The following KRTAP9-2 variants were observed in gnomAD, a reference collection of about 807,000 sequenced individuals.
The protein encoded by KRTAP9-2 is keratin associated protein 9-2.
Under a neutral mutation model 14.1 loss-of-function variants are expected in KRTAP9-2, and 12 were observed. That is an observed-to-expected ratio of 0.85 (90% CI 0.55 to 1.38). KRTAP9-2 has a LOEUF of 1.38. KRTAP9-2 is among the 40% of genes most tolerant of loss of function. The pLI, the probability that KRTAP9-2 is intolerant of heterozygous loss-of-function variation, is 0.00. For missense variants in KRTAP9-2, 185 were observed against 216.3 expected (o/e 0.86, Z 0.91); for synonymous variants, 72 against 79.5 (o/e 0.91, Z 0.50).
At position 41,227,057 on chromosome 17, in the gene KRTAP9-2, A is replaced by C; in HGVS notation, c.403A>C (p.Ser135Arg). Residue 135 changes from serine (S) to arginine (R), a missense_variant, in exon 1 of 1, where the codon AGC becomes CGC. Physicochemically the swap from Ser to Arg is moderately radical, Grantham distance 110. This residue lies in a region of KRTAP9-2 where 164 missense variants were observed against 168.3 expected (regional missense o/e 0.97). Transcript: ENST00000377721. Reference sequence around the variant, plus strand: ...CTGCCTGCCTGGTTGCCTAAACCAGAGCTGTGGCTCCAACTGCTGCCAGCC... The same window carrying C: ...CTGCCTGCCTGGTTGCCTAAACCAGCGCTGTGGCTCCAACTGCTGCCAGCC... ...TVCLPGCLNQ[S>R]CGSNCCQPCC... The C allele has an allele frequency of 6.2e-7, 1 of 1,601,172 alleles. No individual in the cohort carries two copies. The highest frequency in any genetic ancestry group is 8.5e-7 in the Non-Finnish European group (1 of 1,177,032).
chr17:41,226,842 G>C lies in KRTAP9-2; in HGVS notation c.188G>C (p.Arg63Thr), dbSNP rs566339815. The C allele has an allele frequency of 2.6e-6, 4 of 1,521,244 alleles. No homozygotes were observed. The African/African-American group carries it at 4.2e-5, about 16-fold the overall frequency. The allele number at this position is 1,521,244 out of a possible 1,614,324, so 94.2% of individuals were successfully genotyped here. ...ACTTGCTGTCAAAACACCTGCTGTAGGACCACCTGCTGCCAGCCCACCTGT... is the reference window on the plus strand; with the variant it reads ...ACTTGCTGTCAAAACACCTGCTGTACGACCACCTGCTGCCAGCCCACCTGT... ...RPTCCQNTCC[R>T]TTCCQPTCVT... is the part of the protein sequence containing the mutation. Residue 63 changes from arginine to threonine, a missense_variant, in exon 1 of 1, where the codon AGG becomes ACG. Physicochemically the swap from Arg to Thr is moderately conservative, Grantham distance 71. Transcript: ENST00000377721.
rs1265352697 is a variant in KRTAP9-2 at position 41,227,011 on chromosome 17, C to T, written c.357C>T (p.Thr119=). 1.2e-6 allele frequency: 2 copies of T among 1,613,878 alleles called. No homozygotes were observed. The highest frequency in any genetic ancestry group is 1.7e-6 in the Non-Finnish European group (2 of 1,180,008). ...GTGCACCTGTGTACTGCAGAAGAACCTGCTACTACCCCACGACTGTCTGCC... is the reference window on the plus strand; with the variant it reads ...GTGCACCTGTGTACTGCAGAAGAACTTGCTACTACCCCACGACTGTCTGCC... ...SSCAPVYCRR[T]CYYPTTVCLP... is the part of the protein sequence containing the mutation. Residue 119 remains threonine, a synonymous_variant, in exon 1 of 1, where the codon ACC becomes ACT. Coordinates refer to ENST00000377721, the MANE Select transcript of KRTAP9-2 (RefSeq NM_031961.3).
Position 41,227,040 on chromosome 17 carries a change from C to G in KRTAP9-2, c.386C>G (p.Pro129Arg). The change falls in exon 1 of 1, where the codon CCT (proline) becomes CGT (arginine). Residue 129 changes from proline to arginine, a missense_variant. Coordinates refer to ENST00000377721, the MANE Select transcript of KRTAP9-2 (RefSeq NM_031961.3). ...TCYYPTTVCL[P>R]GCLNQSCGSN... ...TACTACCCCACGACTGTCTGCCTGC[C>G]TGGTTGCCTAAACCAGAGCTGTGGC... The G allele has an allele frequency of 1.2e-6, 2 of 1,613,850 alleles. No individual in the cohort carries two copies. The highest frequency in any genetic ancestry group is 8.5e-7 in the Non-Finnish European group (1 of 1,179,966).
chr17:41,226,763 T>A lies in KRTAP9-2; in HGVS notation c.109T>A (p.Cys37Ser). Residue 37 changes from cysteine (C) to serine (S), a missense_variant, in exon 1 of 1, where the codon TGC (cysteine) becomes AGC (serine). Around this residue, in one of 2 missense-constraint regions of KRTAP9-2, gnomAD observed 21 missense variants for 48.0 expected, o/e 0.44. Coordinates refer to ENST00000377721, the MANE Select transcript of KRTAP9-2 (RefSeq NM_031961.3). ...TGTGACCACCTGCAGCAGCACACCC[T>A]GCTGCCAGCCCGCCTGCTGTGTGTC... ...TTVTTCSSTP[C>S]CQPACCVSSC... The A allele has an allele frequency of 1.3e-6, 2 of 1,537,240 alleles. No homozygotes were observed. Among genetic ancestry groups the A allele is most frequent in the Non-Finnish European group, 1.8e-6 (2 of 1,130,624 alleles).
Position 41,226,989 on chromosome 17 carries a change from C to A in KRTAP9-2, c.335C>A (p.Ala112Glu), listed in dbSNP as rs754333458. 9.9e-6 allele frequency: 16 copies of A among 1,614,012 alleles called. No homozygotes were observed. The highest frequency in any genetic ancestry group is 1.6e-4 in the Middle Eastern group (1 of 6,084). Residue 112 changes from alanine (A) to glutamate (E), a missense_variant, in exon 1 of 1, where the codon GCA becomes GAA. Ala to Glu is a moderately radical substitution (Grantham distance 107). Coordinates refer to ENST00000377721, the MANE Select transcript of KRTAP9-2 (RefSeq NM_031961.3). ...AGCTGTGGCCAGAGCAGCTCCTGTG[C>A]ACCTGTGTACTGCAGAAGAACCTGC... Reference protein sequence around the residue: ...GSSCGQSSSCAPVYCRRTCYY... With the variant: ...GSSCGQSSSCEPVYCRRTCYY...
In KRTAP9-2 at chr17:41,227,108, A is replaced by G. The variant is rs2015779722; in HGVS notation, c.454A>G (p.Thr152Ala). Reference protein sequence around the residue: ...QPCCRPACCETTCCRTTCFQP... With the variant: ...QPCCRPACCEATCCRTTCFQP... The stretch of plus-strand genomic sequence containing the variant: ...CTGCTGCCGCCCAGCCTGCTGTGAG[A>G]CCACCTGCTGCAGGACCACTTGCTT... The change falls in exon 1 of 1, where the codon ACC (threonine) becomes GCC (alanine). Residue 152 changes from threonine (T) to alanine (A), a missense_variant. Transcript: ENST00000377721. The G allele has an allele frequency of 6.2e-7, 1 of 1,606,214 alleles. No individual in the cohort carries two copies. Among genetic ancestry groups the G allele is most frequent in the Non-Finnish European group, 8.5e-7 (1 of 1,178,016 alleles).
rs2015769493 is a variant in KRTAP9-2, at chr17:41,226,813, C to T, written c.159C>T (p.Arg53=). 1 of 1,504,840 alleles carries T rather than the reference C, an allele frequency of 6.6e-7. No individual in the cohort carries two copies. Among genetic ancestry groups the T allele is most frequent in the Non-Finnish European group, 9.0e-7 (1 of 1,112,558 alleles). The allele number at this position is 1,504,840 out of a possible 1,614,324, so 93.2% of individuals were successfully genotyped here. A position where few individuals can be genotyped will look rare whatever the true frequency, so the allele number is the denominator to read the frequency against. The change falls in exon 1 of 1, where the codon CGC becomes CGT. Residue 53 remains arginine, a synonymous_variant. Coordinates refer to ENST00000377721, the MANE Select transcript of KRTAP9-2 (RefSeq NM_031961.3). ...CCAGCTGCTGCCAGCCTTGCTGCCG[C>T]CCAACTTGCTGTCAAAACACCTGCT... The part of the protein sequence containing the change: ...CVSSCCQPCC[R]PTCCQNTCCR...
Position 41,227,089 on chromosome 17 carries a change from C to T in KRTAP9-2, c.435C>T (p.Cys145=), listed in dbSNP as rs1315231003. 8.7e-6 allele frequency: 14 copies of T among 1,610,538 alleles called. No homozygotes were observed. Among genetic ancestry groups the T allele is most frequent in the Admixed American group, 1.7e-5 (1 of 59,646 alleles). ...SCGSNCCQPC[C]RPACCETTCC... is the part of the protein sequence containing the mutation. ...GCTCCAACTGCTGCCAGCCCTGCTG[C>T]CGCCCAGCCTGCTGTGAGACCACCT... The change falls in exon 1 of 1, where the codon TGC becomes TGT. Residue 145 remains cysteine, a synonymous_variant. Transcript: ENST00000377721.
chr17:41,227,440 C>T lies in KRTAP9-2; in HGVS notation c.*261C>T. 1 of 369,236 alleles carries T rather than the reference C, an allele frequency of 2.7e-6. No individual in the cohort carries two copies. Among genetic ancestry groups the T allele is most frequent in the Non-Finnish European group, 4.5e-6 (1 of 222,750 alleles). 22.9% of individuals were successfully genotyped at this position (369,236 alleles called of 1,614,324 possible). The stretch of plus-strand genomic sequence containing the variant: ...GTTTGAGTCATGGTCTCAGCTTTGA[C>T]TCTAAAGTCAAGAGCTTCATTCCCT... On this transcript the variant is annotated 3_prime_UTR_variant, in exon 1 of 1. Transcript: ENST00000377721.
the KRTAP9-2 span, chr17:41,226,946 CA>C: frequency 1.2e-6 from 2 of 1,611,446 alleles, no homozygotes; most frequent in Non-Finnish European, 1.7e-6. Context: ...CTGCTGTGGC[CA>C]AACCAGCTGT....
Position 41,226,904 on chromosome 17 carries a change from C to T in KRTAP9-2, c.250C>T (p.Pro84Ser). The T allele has an allele frequency of 1.2e-6, 2 of 1,608,418 alleles. No individual in the cohort carries two copies. The highest frequency in any genetic ancestry group is 2.2e-5 in the East Asian group (1 of 44,506). ...SCCQPSCCST[P>S]CCQPTCCGSS... ...CTGCCAGCCTTCCTGCTGCAGCACACCCTGCTGCCAGCCCACCTGCTGTGG... is the reference window on the plus strand; with the variant it reads ...CTGCCAGCCTTCCTGCTGCAGCACATCCTGCTGCCAGCCCACCTGCTGTGG... Residue 84 changes from proline (P) to serine (S), a missense_variant, in exon 1 of 1, where the codon CCC (proline) becomes TCC (serine). This residue lies in a region of KRTAP9-2 where 164 missense variants were observed against 168.3 expected (regional missense o/e 0.97). Transcript: ENST00000377721.
rs762956101 is a variant in KRTAP9-2 at position 41,226,711 on chromosome 17, C to T, written c.57C>T (p.Cys19=). 2 of 1,612,362 alleles carry T rather than the reference C, an allele frequency of 1.2e-6. No homozygotes were observed. The highest frequency in any genetic ancestry group is 1.7e-6 in the Non-Finnish European group (2 of 1,179,344). ...CQPTCCRTTC[C]RTTCWKPTTV... ...CTACCTGCTGCAGGACCACCTGCTG[C>T]AGGACCACCTGCTGGAAGCCCACCA... is the stretch of plus-strand genomic sequence containing the variant. Residue 19 remains cysteine (C), a synonymous_variant, in exon 1 of 1, where the codon TGC becomes TGT. Transcript: ENST00000377721.
In KRTAP9-2 at chr17:41,226,935, G is replaced by A. The variant is rs2015773298; in HGVS notation, c.281G>A (p.Ser94Asn). Reference protein sequence around the residue: ...PCCQPTCCGSSCCGQTSCGSS... With the variant: ...PCCQPTCCGSNCCGQTSCGSS... ...TGCCAGCCCACCTGCTGTGGGTCCA[G>A]CTGCTGTGGCCAAACCAGCTGTGGG... is the stretch of plus-strand genomic sequence containing the variant. The change falls in exon 1 of 1, where the codon AGC (serine) becomes AAC (asparagine). Residue 94 changes from serine to asparagine, a missense_variant. Physicochemically the swap from Ser to Asn is conservative, Grantham distance 46 (BLOSUM62 1). Transcript: ENST00000377721. 6.2e-7 allele frequency: 1 copy of A among 1,610,770 alleles called. No homozygotes were observed.
At position 41,227,383 on chromosome 17, in the gene KRTAP9-2, G is replaced by T; in HGVS notation, c.*204G>T. ...CTGATTCTCTTTTTCCTTACACCTT[G>T]TGGATCATGTGCCAGCTTCATCTGT... On this transcript the variant is annotated 3_prime_UTR_variant, in exon 1 of 1. Coordinates refer to ENST00000377721, the MANE Select transcript of KRTAP9-2 (RefSeq NM_031961.3). The T allele has an allele frequency of 2.2e-6, 1 of 463,126 alleles. No homozygotes were observed. Among genetic ancestry groups the T allele is most frequent in the South Asian group, 2.2e-5 (1 of 45,190 alleles). The allele number at this position is 463,126 out of a possible 1,614,324, so 28.7% of individuals were successfully genotyped here. A position where few individuals can be genotyped will look rare whatever the true frequency, so the allele number is the denominator to read the frequency against.
In KRTAP9-2 at chr17:41,226,983, C is replaced by T. The variant is rs770859082; in HGVS notation, c.329C>T (p.Ser110Phe). 2.5e-6 allele frequency: 4 copies of T among 1,613,830 alleles called. No individual in the cohort carries two copies. The highest frequency in any genetic ancestry group is 3.4e-6 in the Non-Finnish European group (4 of 1,179,994). The change falls in exon 1 of 1, where the codon TCC becomes TTC. Residue 110 changes from serine to phenylalanine, a missense_variant. Around this residue, in one of 2 missense-constraint regions of KRTAP9-2, gnomAD observed 164 missense variants for 168.3 expected, o/e 0.97. Transcript: ENST00000377721. ...GGGTCCAGCTGTGGCCAGAGCAGCT[C>T]CTGTGCACCTGTGTACTGCAGAAGA... Reference protein sequence around the residue: ...SCGSSCGQSSSCAPVYCRRTC... With the variant: ...SCGSSCGQSSFCAPVYCRRTC...
Position 41,227,182 on chromosome 17 carries a change from A to G in KRTAP9-2, c.*3A>G, listed in dbSNP as rs775206451. On this transcript the variant is annotated 3_prime_UTR_variant, in exon 1 of 1. Coordinates refer to ENST00000377721, the MANE Select transcript of KRTAP9-2 (RefSeq NM_031961.3). ...GCTGCCAGCCTTCTTGCTGCTGATC[A>G]CGTTCCAAGAGAACCACCATCCTCA... 1.0e-5 allele frequency: 16 copies of G among 1,594,572 alleles called. No homozygotes were observed. The highest frequency in any genetic ancestry group is 1.4e-5 in the Non-Finnish European group (16 of 1,170,114).
At position 41,227,013 on chromosome 17, in the gene KRTAP9-2, G is replaced by A; in HGVS notation, c.359G>A (p.Cys120Tyr). The A allele has an allele frequency of 2.5e-6, 4 of 1,613,752 alleles. No homozygotes were observed. The highest frequency in any genetic ancestry group is 3.4e-6 in the Non-Finnish European group (4 of 1,179,982). The change falls in exon 1 of 1, where the codon TGC becomes TAC. Residue 120 changes from cysteine (C) to tyrosine (Y), a missense_variant. Physicochemically the swap from Cys to Tyr is radical, Grantham distance 194. This residue lies in a region of KRTAP9-2 where 164 missense variants were observed against 168.3 expected (regional missense o/e 0.97). Transcript: ENST00000377721. ...GCACCTGTGTACTGCAGAAGAACCT[G>A]CTACTACCCCACGACTGTCTGCCTG... is the stretch of plus-strand genomic sequence containing the variant. ...SCAPVYCRRT[C>Y]YYPTTVCLPG...
Position 41,227,205 on chromosome 17 carries a change from T to C in KRTAP9-2, c.*26T>C, listed in dbSNP as rs2015782271. ...TCACGTTCCAAGAGAACCACCATCCTCACACAACAAATTTCTGCTCAACTG... is the reference window on the plus strand; with the variant it reads ...TCACGTTCCAAGAGAACCACCATCCCCACACAACAAATTTCTGCTCAACTG... On this transcript the variant is annotated 3_prime_UTR_variant, in exon 1 of 1. Transcript: ENST00000377721. 1 of 1,561,938 alleles carries C rather than the reference T, an allele frequency of 6.4e-7. No homozygotes were observed. Among genetic ancestry groups the C allele is most frequent in the African/African-American group, 1.4e-5 (1 of 69,466 alleles).
chr17:41,227,313 T>G lies in KRTAP9-2; in HGVS notation c.*134T>G. The G allele has an allele frequency of 2.9e-6, 2 of 694,894 alleles. No homozygotes were observed. The highest frequency in any genetic ancestry group is 4.4e-6 in the Non-Finnish European group (2 of 458,964). 43.0% of individuals were successfully genotyped at this position (694,894 alleles called of 1,614,324 possible). A position where few individuals can be genotyped will look rare whatever the true frequency, so the allele number is the denominator to read the frequency against. Reference sequence around the variant, plus strand: ...AAATTTTTATGAATTCTCTACATGTTTAAAATCTTGGAAATCTGCTTGAGG... The same window carrying G: ...AAATTTTTATGAATTCTCTACATGTGTAAAATCTTGGAAATCTGCTTGAGG... On this transcript the variant is annotated 3_prime_UTR_variant, in exon 1 of 1. Coordinates refer to ENST00000377721, the MANE Select transcript of KRTAP9-2 (RefSeq NM_031961.3).
Sources: allele counts gnomAD v4.1 joint callset, GRCh38; gene constraint gnomAD v4.1.1; regional missense constraint gnomAD v4.1.1; transcripts MANE v1.5; gene names NCBI Gene and HGNC (gene_info 2026-07-23, HGNC 2026-07-21).